PRIM2: variants seen among roughly 807,000 people sequenced by gnomAD.
PRIM2 encodes the protein DNA primase large subunit.
In PRIM2, 39 loss-of-function variants were observed where a neutral mutation model predicts 67.3. The ratio of observed to expected loss-of-function variants is 0.58; its 90% confidence interval spans 0.45 to 0.76. The LOEUF (loss-of-function observed/expected upper bound fraction) is 0.76, where lower values mean the gene tolerates loss of function less well. Ranked by LOEUF, PRIM2 falls within the 30% of genes least tolerant of loss-of-function variation. The probability of loss-of-function intolerance (pLI) is 0.00; values close to 1 mark genes in which losing one functional copy is unlikely to be tolerated. For missense variants in PRIM2, 398 were observed against 598.7 expected, an observed-to-expected ratio of 0.66 and a Z score of 3.50; for synonymous variants, 143 against 198.7, an observed-to-expected ratio of 0.72 and a Z score of 2.36.
At chr6:57,487,698 G>T (rs1773787623) in intron 7 of PRIM2, among the ~76,000 whole-genome samples, 1 of 152,134 alleles carries the variant, frequency 6.6e-6, no homozygotes, top group African/African-American at 2.4e-5. Flanking sequence ...ACACATTGGG[G>T]ATTGAAATAA....
At chr6:57,331,736 A>G (rs1351561852) in intron 5 of PRIM2, among the ~76,000 whole-genome samples, 5 of 151,952 alleles carry the variant, frequency 3.3e-5, no homozygotes, top group African/African-American at 1.2e-4. Context: ...AAATAAAAGG[A>G]TTGGTGATGA....
At chr6:57,638,035 G>A (rs1310591057) in intron 13 of PRIM2, among the ~76,000 whole-genome samples, 1 of 152,132 alleles carries the variant, frequency 6.6e-6, no homozygotes, top group African/African-American at 2.4e-5. Flanking sequence ...AAACCCATCA[G>A]ACTAACAGCG....
chr6:57,402,101 A>G (rs896301420), intron 7 of PRIM2, among the ~76,000 whole-genome samples: 4 of 152,180 alleles, frequency 2.6e-5, no homozygotes, highest in African/African-American at 9.7e-5. Context: ...ACATGCACCT[A>G]CATAACAGGC....
At chr6:57,586,245 C>T (rs1323014650) in intron 10 of PRIM2, among the ~76,000 whole-genome samples, 7 of 152,260 alleles carry the variant, frequency 4.6e-5, no homozygotes, top group Admixed American at 2.0e-4. Context: ...AATCATTGAG[C>T]GCTAGCCTGG....
chr6:57,581,098 A>G (rs1434244324), intron 10 of PRIM2, among the ~76,000 whole-genome samples: 20 of 152,166 alleles, frequency 1.3e-4, no homozygotes, highest in African/African-American at 4.8e-4. Flanking sequence ...TGTTTCTGTG[A>G]AGAAAAGGCA....
intron 7 of PRIM2, among the ~76,000 whole-genome samples, chr6:57,400,295 G>T (rs1770663993): frequency 6.6e-6 from 1 of 152,042 alleles, no homozygotes; most frequent in South Asian, 2.1e-4. Flanking sequence ...AAGGCAGGCT[G>T]GTGGTAATTA....
At chr6:57,245,656 G>C in the PRIM2 span, among the ~76,000 whole-genome samples, 4 of 152,282 alleles carry the variant, frequency 2.6e-5, no homozygotes, top group South Asian at 8.3e-4. Context: ...TCCTGGTCTG[G>C]TGTAACTGCT....
intron 12 of PRIM2, among the ~76,000 whole-genome samples, chr6:57,626,331 A>G (rs1456591865): frequency 1.3e-5 from 2 of 152,244 alleles, no homozygotes; most frequent in African/African-American, 2.4e-5. Context: ...GTATAAAAAG[A>G]AGAGAGTTCT....
chr6:57,500,886 CAT>C (rs1774116768), intron 7 of PRIM2, among the ~76,000 whole-genome samples: 2 of 152,172 alleles, frequency 1.3e-5, no homozygotes, highest in South Asian at 4.1e-4. Context: ...GAATTGCAAA[CAT>C]GTTAAGTGAT....
chr6:57,285,344 C>G, the PRIM2 span, among the ~76,000 whole-genome samples: 1 of 152,190 alleles, frequency 6.6e-6, no homozygotes, highest in African/African-American at 2.4e-5. Context: ...GGCCAGTATT[C>G]CAGATGAACA....
intron 7 of PRIM2, among the ~76,000 whole-genome samples, chr6:57,397,455 C>T (rs1770553127): frequency 6.6e-6 from 1 of 152,088 alleles, no homozygotes; most frequent in Non-Finnish European, 1.5e-5. Flanking sequence ...TTGTTCAGTT[C>T]TATTTGCTGA....
intron 8 of PRIM2, among the ~76,000 whole-genome samples, chr6:57,532,088 T>C (rs1414029374): frequency 6.6e-6 from 1 of 152,186 alleles, no homozygotes; most frequent in African/African-American, 2.4e-5. Context: ...TTTTGCTATG[T>C]TGTCGTGCTG....
intron 7 of PRIM2, among the ~76,000 whole-genome samples, chr6:57,400,335 G>A (rs1178498584): frequency 6.6e-6 from 1 of 152,132 alleles, no homozygotes; most frequent in Admixed American, 6.5e-5. Flanking sequence ...ATCTGAAAAG[G>A]ATCATATTTC....
chr6:57,281,389 A>G, the PRIM2 span, among the ~76,000 whole-genome samples: 1 of 152,170 alleles, frequency 6.6e-6, no homozygotes, highest in Non-Finnish European at 1.5e-5. Context: ...TGTTCTCCAT[A>G]GTGGGTACTA....
intron 10 of PRIM2, among the ~76,000 whole-genome samples, chr6:57,579,312 T>G (rs1385195132): frequency 1.3e-5 from 2 of 152,210 alleles, no homozygotes; most frequent in Admixed American, 6.5e-5. Flanking sequence ...ATGTTTTTTT[T>G]GTCCTTGAAA....
chr6:57,639,620 A>ACACCTCTACACAAATAGG (rs1554359324), intron 13 of PRIM2, among the ~76,000 whole-genome samples: 1 of 78,658 alleles, frequency 1.3e-5, no homozygotes, highest in Non-Finnish European at 2.5e-5. Flanking sequence ...AATACTGTAA[A>ACACCTCTACACAAATAGG]CTAGAAAGTT....
the PRIM2 span, among the ~76,000 whole-genome samples, chr6:57,299,044 G>C: frequency 1.3e-5 from 2 of 151,778 alleles, no homozygotes; most frequent in Admixed American, 6.6e-5. Context: ...TTCTCTCTGT[G>C]CCTGAATTTC....
At chr6:57,231,528 C>T in the PRIM2 span, among the ~76,000 whole-genome samples, 1 of 152,294 alleles carries the variant, frequency 6.6e-6, no homozygotes, top group South Asian at 2.1e-4. Context: ...AAACCACTCA[C>T]ATCCAGATAC....
the PRIM2 span, among the ~76,000 whole-genome samples, chr6:57,223,028 C>T: frequency 5.9e-5 from 9 of 152,132 alleles, no homozygotes; most frequent in African/African-American, 1.9e-4. Context: ...TGTAATAATT[C>T]CTTAATGAGA....
Sources: allele counts gnomAD v4.1 joint callset (sites outside exome capture counted in the v4.1 genomes callset), GRCh38; gene constraint gnomAD v4.1.1; transcripts MANE v1.5; gene names NCBI Gene and HGNC (gene_info 2026-07-23, HGNC 2026-07-21).